The following ASIC5 variants were observed in gnomAD, a reference collection of about 807,000 sequenced individuals.
ASIC5 encodes the protein bile acid-sensitive ion channel.
In ASIC5, 52 loss-of-function variants were observed where a neutral mutation model predicts 51.2. The observed-to-expected ratio is 1.02, with a 90% CI of 0.81 to 1.28. The LOEUF (loss-of-function observed/expected upper bound fraction) is 1.28. Ranked by LOEUF, ASIC5 falls within the 50% of genes most tolerant of loss-of-function variation. ASIC5 has a pLI of 0.00. For synonymous variants in ASIC5, 231 were observed against 200.7 expected (o/e 1.15, Z -1.28); for missense variants, 635 against 595.0 (o/e 1.07, Z -0.70).
intron 8 of ASIC5, among the ~76,000 whole-genome samples, chr4:155,835,599 T>A (rs911061556): frequency 6.6e-6 from 1 of 152,154 alleles, no homozygotes; most frequent in African/African-American, 2.4e-5. Flanking sequence ...TAAGTCATAT[T>A]TAAATACATC....
chr4:155,840,794 G>A (rs1020735862), intron 6 of ASIC5, among the ~76,000 whole-genome samples: 41 of 151,894 alleles, frequency 2.7e-4, no homozygotes, highest in Non-Finnish European at 5.4e-4. Flanking sequence ...ATTCTAAACC[G>A]CCCCAAATTG....
At chr4:155,840,987 T>G (rs1430798048) in intron 6 of ASIC5, among the ~76,000 whole-genome samples, 1 of 151,974 alleles carries the variant, frequency 6.6e-6, no homozygotes, top group Non-Finnish European at 1.5e-5. Context: ...TGATTTCATC[T>G]CTGATCTCAC....
chr4:155,861,305 T>C (rs919415929), intron 2 of ASIC5, among the ~76,000 whole-genome samples: 3 of 151,950 alleles, frequency 2.0e-5, no homozygotes, highest in Admixed American at 1.3e-4. Flanking sequence ...CTGTGTCTTC[T>C]ATTTCCTTGT....
chr4:155,852,401 G>A lies in ASIC5; in HGVS notation c.586-85C>T, dbSNP rs1040800831. On this transcript the variant is annotated intron_variant, in intron 3 of 9. Transcript: ENST00000537611. ...GTTTGCCATAACCTTTTTTTTTAAA[G>A]CACAAATACCTAACAAGACTGCAGA... is the stretch of plus-strand genomic sequence containing the variant. The A allele has an allele frequency of 7.1e-5, 83 of 1,161,718 alleles. No individual in the cohort carries two copies. The African/African-American group carries it at 1.1e-3, about 15-fold the overall frequency. The allele number at this position is 1,161,718 out of a possible 1,614,324, so 72.0% of individuals were successfully genotyped here. A position where few individuals can be genotyped will look rare whatever the true frequency, so the allele number is the denominator to read the frequency against.
chr4:155,841,099 A>C (rs1461972554), intron 6 of ASIC5, among the ~76,000 whole-genome samples: 1 of 152,140 alleles, frequency 6.6e-6, no homozygotes, highest in Non-Finnish European at 1.5e-5. Flanking sequence ...TTTGAGTCAT[A>C]ATAAAACTCC....
chr4:155,846,344 C>G (rs997024006), intron 4 of ASIC5, among the ~76,000 whole-genome samples: 2 of 152,088 alleles, frequency 1.3e-5, no homozygotes, highest in African/African-American at 4.8e-5. Flanking sequence ...CAGCCCCAAA[C>G]AGAATGATCA....
chr4:155,843,515 C>T (rs1020595631), intron 5 of ASIC5, among the ~76,000 whole-genome samples, 166 bp downstream of exon 5: 1 of 151,984 alleles, frequency 6.6e-6, no homozygotes, highest in African/African-American at 2.4e-5. Flanking sequence ...TTTCTGTTTC[C>T]ACTAATCATG....
chr4:155,853,964 A>G (rs1402532399), intron 3 of ASIC5, 113 bp downstream of exon 3: 1 of 787,092 alleles, frequency 1.3e-6, no homozygotes, highest in East Asian at 2.5e-5. Flanking sequence ...AGAATCTGTA[A>G]GCAAATTTGG....
intron 4 of ASIC5, 142 bp downstream of exon 4, chr4:155,852,049 C>A: frequency 1.1e-6 from 1 of 944,602 alleles, no homozygotes; most frequent in Non-Finnish European, 1.6e-6. Context: ...TATATAAAAT[C>A]CATAGGAGTC....
At chr4:155,851,757 T>C (rs1288880817) in intron 4 of ASIC5, among the ~76,000 whole-genome samples, 1 of 152,012 alleles carries the variant, frequency 6.6e-6, no homozygotes, top group East Asian at 1.9e-4. Context: ...ATAACCATTA[T>C]GTTTTCCATC....
At chr4:155,849,339 G>A (rs948805454) in intron 4 of ASIC5, among the ~76,000 whole-genome samples, 21 of 151,902 alleles carry the variant, frequency 1.4e-4, no homozygotes, top group South Asian at 4.2e-4. Flanking sequence ...ACAAATCTAC[G>A]GCTGGGCTCG....
At chr4:155,842,505 C>T (rs1307583188) in intron 5 of ASIC5, 151 bp from the exon 6 acceptor site, 8 of 630,976 alleles carry the variant, frequency 1.3e-5, no homozygotes, top group Non-Finnish European at 2.1e-5. Context: ...TTTGCCTACT[C>T]TATTGACCTG....
At chr4:155,846,865 G>C (rs1741254641) in intron 4 of ASIC5, among the ~76,000 whole-genome samples, 1 of 151,794 alleles carries the variant, frequency 6.6e-6, no homozygotes, top group African/African-American at 2.4e-5. Context: ...CTAAAAAAAA[G>C]TGTGTCCTTT....
rs149216368 is a variant in ASIC5, at chr4:155,852,194, A to G, written c.708T>C (p.Asn236=). The change falls in exon 4 of 10, where the codon AAT becomes AAC. Residue 236 remains asparagine, a synonymous_variant. Transcript: ENST00000537611. ...GRGLSLLFNV[N]QEAFTDNPAL... The stretch of plus-strand genomic sequence containing the variant: ...GAACCTGGAGAAAATTCAGTACCTG[A>G]TTCACATTGAAGAGTAAGCTCAAAC... 2.5e-6 allele frequency: 4 copies of G among 1,611,958 alleles called. No individual in the cohort carries two copies. Among genetic ancestry groups the G allele is most frequent in the African/African-American group, 1.3e-5 (1 of 74,796 alleles).
At chr4:155,856,785 CA>C (rs1283626288) in intron 2 of ASIC5, among the ~76,000 whole-genome samples, 1 of 151,976 alleles carries the variant, frequency 6.6e-6, no homozygotes, top group African/African-American at 2.4e-5. Context: ...CAATCTGCTC[CA>C]AAACCCTACA....
intron 4 of ASIC5, among the ~76,000 whole-genome samples, chr4:155,849,757 C>T (rs187674889): frequency 6.6e-6 from 1 of 152,058 alleles, no homozygotes; most frequent in East Asian, 1.9e-4. Context: ...TCACTGAAAA[C>T]TAAGCTGTGC....
At chr4:155,839,037 T>C (rs10010364) in intron 6 of ASIC5, among the ~76,000 whole-genome samples, 168 bp from the exon 7 acceptor site, 15,345 of 152,152 alleles carry the variant, frequency 0.1, 1,245 homozygotes, top group African/African-American at 0.22. Flanking sequence ...ATCAAGTTAG[T>C]ATCCAGTGAA....
chr4:155,857,479 C>T (rs1362362026), intron 2 of ASIC5, among the ~76,000 whole-genome samples: 1 of 152,004 alleles, frequency 6.6e-6, no homozygotes, highest in East Asian at 1.9e-4. Context: ...TTTCAAAAAC[C>T]TTGCTTAGCT....
intron 3 of ASIC5, among the ~76,000 whole-genome samples, chr4:155,852,678 T>G (rs1226989152): frequency 1.3e-5 from 2 of 150,446 alleles, no homozygotes; most frequent in Non-Finnish European, 3.0e-5. Context: ...GTAACCTGTA[T>G]GGTCACAGTG....
Sources: allele counts gnomAD v4.1 joint callset (sites outside exome capture counted in the v4.1 genomes callset), GRCh38; gene constraint gnomAD v4.1.1; transcripts MANE v1.5; gene names NCBI Gene and HGNC (gene_info 2026-07-23, HGNC 2026-07-21).